Variants in OSBPL1A observed in about 807,000 individuals in gnomAD.
The protein encoded by OSBPL1A is oxysterol binding protein like 1A.
In OSBPL1A, 80 loss-of-function variants were observed where a neutral mutation model predicts 137.1. The ratio of observed to expected loss-of-function variants is 0.58; its 90% confidence interval spans 0.49 to 0.70. The LOEUF (loss-of-function observed/expected upper bound fraction) is 0.70. Among genes scored for constraint, OSBPL1A ranks in the 30% least tolerant of loss-of-function variants. The pLI is 0.00. For synonymous variants in OSBPL1A, 365 were observed against 389.7 expected (o/e 0.94, Z 0.75); for missense variants, 970 against 1,129.4 (o/e 0.86, Z 2.02).
chr18:24,255,724 A>G (rs275853), intron 15 of OSBPL1A, among the ~76,000 whole-genome samples: 151,454 of 151,930 alleles, frequency 1, 75,497 homozygotes, highest in Middle Eastern at 1. Context: ...TTCCTGAGGC[A>G]CATCCTCAAA....
At chr18:24,195,965 T>C (rs1024638631) in intron 18 of OSBPL1A, 160 bp downstream of exon 18, 3 of 621,628 alleles carry the variant, frequency 4.8e-6, no homozygotes, top group Non-Finnish European at 8.5e-6. Context: ...CAAATTCTTG[T>C]CAGAAAAAAG....
intron 18 of OSBPL1A, among the ~76,000 whole-genome samples, chr18:24,193,587 G>A (rs2086949529): frequency 6.6e-6 from 1 of 151,786 alleles, no homozygotes. Flanking sequence ...GATTGTGTCT[G>A]CTGCCTAAGA....
chr18:24,193,786 A>G (rs1387466856), intron 18 of OSBPL1A, among the ~76,000 whole-genome samples: 1 of 152,244 alleles, frequency 6.6e-6, no homozygotes, highest in African/African-American at 2.4e-5. Flanking sequence ...AGTAAGTTCT[A>G]GAGATATGAT....
chr18:24,270,282 T>C (rs1172108813), intron 15 of OSBPL1A, among the ~76,000 whole-genome samples: 1 of 152,220 alleles, frequency 6.6e-6, no homozygotes, highest in Non-Finnish European at 1.5e-5. Flanking sequence ...ATTTTCTCAG[T>C]TATGCACAAT....
At chr18:24,228,224 CCT>C (rs1198539429) in intron 16 of OSBPL1A, among the ~76,000 whole-genome samples, 1 of 151,374 alleles carries the variant, frequency 6.6e-6, no homozygotes, top group Non-Finnish European at 1.5e-5. Flanking sequence ...CGACTCACCC[CCT>C]CTGTGCCCCC....
chr18:24,297,136 T>G lies in OSBPL1A; in HGVS notation c.1174+6501A>C, dbSNP rs552509585. On this transcript the variant is annotated intron_variant, in intron 14 of 27. Coordinates refer to ENST00000319481, the MANE Select transcript of OSBPL1A (RefSeq NM_080597.4). ...GAATACATCTGGTCATGGGCTTTTT[T>G]TGTTGGCAATTTTTAAATTACTGAT... 1.3e-4 allele frequency among the ~76,000 whole-genome samples: 20 copies of G among 152,300 alleles called. 1 individual carries two copies. In the South Asian group the frequency reaches 4.1e-3, roughly 32 times the overall value.
intron 2 of OSBPL1A, among the ~76,000 whole-genome samples, chr18:24,374,138 A>AT (rs1409549717): frequency 6.6e-6 from 1 of 152,100 alleles, no homozygotes; most frequent in East Asian, 1.9e-4. Flanking sequence ...AATTTTATAC[A>AT]TTTTTTTATT....
chr18:24,302,262 T>G (rs983192400), intron 14 of OSBPL1A: 10 of 149,730 alleles, frequency 6.7e-5, no homozygotes, highest in South Asian at 2.1e-4. Flanking sequence ...AAGTTAATCA[T>G]AAACTCACAA....
At chr18:24,200,334 C>T (rs975055428) in intron 17 of OSBPL1A, among the ~76,000 whole-genome samples, 6 of 152,048 alleles carry the variant, frequency 3.9e-5, no homozygotes, top group African/African-American at 7.2e-5. Flanking sequence ...GAGGCTGAGG[C>T]GGGTGGATCA....
rs1441020993 is a variant in OSBPL1A, at chr18:24,197,948, G to A, written c.1602-1748C>T. ...ATTTCAGGTGCCTGCCACCATGCCC[G>A]GCTAATTTTTTGTATTTTTAGTAGA... On this transcript the variant is annotated intron_variant, in intron 17 of 27. Coordinates refer to ENST00000319481, the MANE Select transcript of OSBPL1A (RefSeq NM_080597.4). Among the ~76,000 whole-genome samples, 5 of 151,880 alleles carry A rather than the reference G, an allele frequency of 3.3e-5. No homozygotes were observed. In the East Asian group the frequency reaches 5.8e-4, roughly 18 times the overall value.
rs554127725 is a variant in OSBPL1A at position 24,356,512 on chromosome 18, C to T, written c.282+10380G>A. ...TGCATGGGAGTGAGATGATAAATGG[C>T]GCCCTGGCTGAGGTCTGGCTCACGG... On this transcript the variant is annotated intron_variant, in intron 4 of 27. Transcript: ENST00000319481. Among the ~76,000 whole-genome samples, 29 of 152,214 alleles carry T rather than the reference C, an allele frequency of 1.9e-4. No individual in the cohort carries two copies. In the South Asian group the frequency reaches 4.6e-3, roughly 24 times the overall value.
At chr18:24,227,040 C>T (rs906110236) in intron 16 of OSBPL1A, among the ~76,000 whole-genome samples, 4 of 151,986 alleles carry the variant, frequency 2.6e-5, no homozygotes, top group South Asian at 2.1e-4. Context: ...TACAGGCATG[C>T]GCCACCATGC....
rs1316464326 is a variant in OSBPL1A, at chr18:24,324,355, T to C, written c.626-5546A>G. Among the ~76,000 whole-genome samples, 2 of 61,574 alleles carry C rather than the reference T, an allele frequency of 3.2e-5. 1 individual carries two copies. Among genetic ancestry groups the C allele is most frequent in the African/African-American group, 1.9e-4 (2 of 10,566 alleles). 40.4% of individuals were successfully genotyped at this position (61,574 alleles called of 152,430 possible). A position where few individuals can be genotyped will look rare whatever the true frequency, so the allele number is the denominator to read the frequency against. ...TTCCTTGGGCAAAGCTCCTCTTTCCTTTTGAACTTCAGCCAGAGGGCCCTC... is the reference window on the plus strand; with the variant it reads ...TTCCTTGGGCAAAGCTCCTCTTTCCCTTTGAACTTCAGCCAGAGGGCCCTC... On this transcript the variant is annotated intron_variant, in intron 7 of 27. Transcript: ENST00000319481.
Position 24,163,014 on chromosome 18 carries a change from A to G in OSBPL1A, c.*165T>C. On this transcript the variant is annotated 3_prime_UTR_variant, in exon 28 of 28. Transcript: ENST00000319481. ...CATTTTTCCTAAGACTTTCATCACC[A>G]ATATCGCCTTATACCCTGCTTTTGT... is the stretch of plus-strand genomic sequence containing the variant. 1 of 503,502 alleles carries G rather than the reference A, an allele frequency of 2.0e-6. No individual in the cohort carries two copies. The highest frequency in any genetic ancestry group is 3.5e-5 in the East Asian group (1 of 28,660). The allele number at this position is 503,502 out of a possible 1,614,324, so 31.2% of individuals were successfully genotyped here.
chr18:24,283,385 A>G (rs1330815995), intron 14 of OSBPL1A, among the ~76,000 whole-genome samples: 4 of 150,832 alleles, frequency 2.7e-5, no homozygotes, highest in African/African-American at 9.7e-5. Context: ...CACAGTTTAC[A>G]TCTTACAAAA....
In OSBPL1A at chr18:24,318,616, C is replaced by G. The variant is rs1021239554; in HGVS notation, c.717G>C (p.Glu239Asp). 1.2e-6 allele frequency: 2 copies of G among 1,609,886 alleles called. No individual in the cohort carries two copies. Among genetic ancestry groups the G allele is most frequent in the African/African-American group, 2.7e-5 (2 of 74,680 alleles). ...CTCAACTTACCTTCCAGAGAGGGCC[C>G]TCATATCGTTTCAATGCTTTGTAGA... ...KVIYKALKRY[E>D]GPLWKSSRFF... Residue 239 changes from glutamate (E) to aspartate (D), a missense_variant, in exon 9 of 28, where the codon GAG (glutamate) becomes GAC (aspartate). Physicochemically the swap from Glu to Asp is conservative, Grantham distance 45. Coordinates refer to ENST00000319481, the MANE Select transcript of OSBPL1A (RefSeq NM_080597.4).
intron 4 of OSBPL1A, among the ~76,000 whole-genome samples, chr18:24,365,756 T>A (rs925651193): frequency 1.3e-5 from 2 of 152,148 alleles, no homozygotes; most frequent in Non-Finnish European, 2.9e-5. Flanking sequence ...TGTTGCACAA[T>A]TTTGTAAATG....
chr18:24,226,775 C>A (rs542893500), intron 16 of OSBPL1A, among the ~76,000 whole-genome samples: 1 of 152,224 alleles, frequency 6.6e-6, no homozygotes, highest in Non-Finnish European at 1.5e-5. Context: ...TCTAAGTTAC[C>A]TGCAGAAAGG....
intron 14 of OSBPL1A, among the ~76,000 whole-genome samples, chr18:24,298,581 G>C (rs796269067): frequency 2.6e-5 from 4 of 152,178 alleles, no homozygotes; most frequent in African/African-American, 9.7e-5. Context: ...TCCGGACCTC[G>C]TGTTCCACCC....
Sources: allele counts gnomAD v4.1 joint callset (sites outside exome capture counted in the v4.1 genomes callset), GRCh38; gene constraint gnomAD v4.1.1; transcripts MANE v1.5; gene names NCBI Gene and HGNC (gene_info 2026-07-23, HGNC 2026-07-21).